Variants in AKR1C3 observed in about 807,000 individuals in gnomAD.
The protein encoded by AKR1C3 is 3-alpha hydroxysteroid dehydrogenase, type II.
In AKR1C3, 48 loss-of-function variants were observed where a neutral mutation model predicts 43.6. That is an observed-to-expected ratio of 1.10 (90% CI 0.87 to 1.40). AKR1C3 has a LOEUF of 1.40. Ranked by LOEUF, AKR1C3 falls within the 40% of genes most tolerant of loss-of-function variation. AKR1C3 has a pLI of 0.00. For synonymous variants in AKR1C3, 162 were observed against 139.6 expected, an observed-to-expected ratio of 1.16 and a Z score of -1.13; for missense variants, 482 against 391.2, an observed-to-expected ratio of 1.23 and a Z score of -1.96.
At position 5,080,646 on chromosome 10, in the gene AKR1C3, CAA is replaced by C. The variant is rs1480920535; in HGVS notation, c.85-15762_85-15761del. The C allele has an allele frequency of 2.0e-5, 3 of 152,546 alleles. No individual in the cohort carries two copies. In the East Asian group the frequency reaches 5.8e-4, roughly 29 times the overall value. The allele number at this position is 152,546 out of a possible 1,614,324, so 9.4% of individuals were successfully genotyped here. ...CGTCTCAAACAAACAAACAAACAAA[CAA>C]ACAAAGATTTCACAGAGCCTGCCAT... On this transcript the variant is annotated intron_variant, in intron 1 of 8. Transcript: ENST00000439082.
intron 1 of AKR1C3, among the ~76,000 whole-genome samples, chr10:5,070,902 G>T (rs1284124623): frequency 2.6e-5 from 4 of 152,190 alleles, no homozygotes; most frequent in African/African-American, 9.7e-5. Flanking sequence ...CAGCTGTCAT[G>T]AACTAAGACA....
chr10:5,103,783 CAAGGGATGGGTAAA>C (rs1839419753), intron 7 of AKR1C3, among the ~76,000 whole-genome samples: 1 of 152,144 alleles, frequency 6.6e-6, no homozygotes, highest in Non-Finnish European at 1.5e-5. Context: ...AGGCCAGACT[CAAGGGATGGGTAAA>C]CAGACACCAC....
At chr10:5,069,889 A>T (rs1554781178) in intron 1 of AKR1C3, among the ~76,000 whole-genome samples, 3 of 152,246 alleles carry the variant, frequency 2.0e-5, no homozygotes, top group East Asian at 3.9e-4. Flanking sequence ...AAAAAAAGGA[A>T]AAGAGCCCTT....
At chr10:5,107,194 T>C (rs1839527246) in intron 8 of AKR1C3, among the ~76,000 whole-genome samples, 2 of 152,234 alleles carry the variant, frequency 1.3e-5, no homozygotes, top group African/African-American at 4.8e-5. Flanking sequence ...GTATCTCTGC[T>C]CTGCTGACAG....
intron 7 of AKR1C3, among the ~76,000 whole-genome samples, chr10:5,104,614 A>C (rs1433196385): frequency 6.6e-6 from 1 of 152,020 alleles, no homozygotes; most frequent in Non-Finnish European, 1.5e-5. Flanking sequence ...TCCATGAAAG[A>C]GTACATATTT....
intron 1 of AKR1C3, among the ~76,000 whole-genome samples, chr10:5,085,813 T>A (rs550312594): frequency 2.6e-5 from 4 of 151,918 alleles, no homozygotes; most frequent in Non-Finnish European, 4.4e-5. Context: ...GGAGGATGTA[T>A]GTGTCAAGGA....
chr10:5,094,547 A>G lies in AKR1C3; in HGVS notation c.84+19A>G, dbSNP rs368022667. 9.5e-5 allele frequency: 153 copies of G among 1,611,384 alleles called. No homozygotes were observed. The highest frequency in any genetic ancestry group is 1.2e-4 in the Non-Finnish European group (146 of 1,178,140). On this transcript the variant is annotated intron_variant, in intron 1 of 8. Coordinates refer to ENST00000380554, the MANE Select transcript of AKR1C3 (RefSeq NM_003739.6). ...TCCAGAGGTAAGAATAATTCCTTTTAGTTTTCGGATTTCAAAAGAATAAAC... is the reference window on the plus strand; with the variant it reads ...TCCAGAGGTAAGAATAATTCCTTTTGGTTTTCGGATTTCAAAAGAATAAAC...
At chr10:5,106,407 G>T (rs1200931777) in intron 8 of AKR1C3, among the ~76,000 whole-genome samples, 1 of 152,120 alleles carries the variant, frequency 6.6e-6, no homozygotes, top group Admixed American at 6.6e-5. Flanking sequence ...TTCCTTCATG[G>T]TCTAAGGTTC....
chr10:5,098,183 A>C, intron 3 of AKR1C3: 1 of 985,564 alleles, frequency 1.0e-6, no homozygotes, highest in Non-Finnish European at 1.2e-6. Flanking sequence ...AGTCAAAGAC[A>C]TGGCTACATT....
At chr10:5,051,724 C>T in intron 1 of AKR1C3, among the ~76,000 whole-genome samples, 1 of 151,698 alleles carries the variant, frequency 6.6e-6, no homozygotes, top group Non-Finnish European at 1.5e-5. Flanking sequence ...TAGATGGTGA[C>T]ACAGAGGACG....
upstream of AKR1C3, among the ~76,000 whole-genome samples, chr10:5,090,266 G>A (rs1588350195): frequency 6.6e-6 from 1 of 152,016 alleles, no homozygotes; most frequent in African/African-American, 2.4e-5. Context: ...ATGAGCACAG[G>A]CACCAGCCCA....
At chr10:5,087,972 T>C (rs1158094066) in intron 1 of AKR1C3, among the ~76,000 whole-genome samples, 1 of 152,142 alleles carries the variant, frequency 6.6e-6, no homozygotes, top group Non-Finnish European at 1.5e-5. Context: ...ACTATAAATT[T>C]ATCTCTTAGC....
At position 5,064,766 on chromosome 10, in the gene AKR1C3, CAT is replaced by C. The variant is rs539086710; in HGVS notation, c.84+15874_84+15875del. On this transcript the variant is annotated intron_variant, in intron 1 of 8. Transcript: ENST00000439082. ...TAAAAGAAGACATACTTGTGGCAAA[CAT>C]ATGAAAAATGCTCAACATCACTGAT... Among the ~76,000 whole-genome samples the C allele has an allele frequency of 2.0e-4, 31 of 151,914 alleles. 1 individual carries two copies. The East Asian group carries it at 5.2e-3, about 26-fold the overall frequency.
At chr10:5,061,054 G>A (rs10795239) in intron 1 of AKR1C3, among the ~76,000 whole-genome samples, 97 of 151,734 alleles carry the variant, frequency 6.4e-4, no homozygotes, top group African/African-American at 1.9e-3. Context: ...CTGAGGGAGC[G>A]AGCTCTGGCC....
At chr10:5,083,126 G>A (rs1554782574) in intron 1 of AKR1C3, among the ~76,000 whole-genome samples, 4 of 151,912 alleles carry the variant, frequency 2.6e-5, no homozygotes, top group Non-Finnish European at 5.9e-5. Flanking sequence ...TGCACAACGT[G>A]CAGGTTTGTT....
intron 1 of AKR1C3, among the ~76,000 whole-genome samples, chr10:5,052,383 G>T (rs1588328120): frequency 6.6e-6 from 1 of 152,214 alleles, no homozygotes; most frequent in South Asian, 2.1e-4. Context: ...ACCTGAGCAG[G>T]TTGCCACTGC....
chr10:5,102,970 T>C (rs1839397543), intron 7 of AKR1C3, among the ~76,000 whole-genome samples: 1 of 151,404 alleles, frequency 6.6e-6, no homozygotes, highest in Non-Finnish European at 1.5e-5. Context: ...AGACAGAGTC[T>C]CATTCTGTCT....
intron 1 of AKR1C3, among the ~76,000 whole-genome samples, chr10:5,080,339 C>T (rs1029238404): frequency 2.0e-5 from 3 of 152,138 alleles, no homozygotes; most frequent in Admixed American, 1.3e-4. Flanking sequence ...TTTCTCAGAG[C>T]CTGGCTGGGT....
rs1181721579 is a variant in AKR1C3 at position 5,104,530 on chromosome 10, CTT to C, written c.847-1063_847-1062del. On this transcript the variant is annotated intron_variant, in intron 7 of 8. Coordinates refer to ENST00000380554, the MANE Select transcript of AKR1C3 (RefSeq NM_003739.6). ...GAATGGTACAACTTTTTTTCTAACT[CTT>C]TATTTTATTTGATAATATCTTGATT... Among the ~76,000 whole-genome samples the C allele has an allele frequency of 5.3e-5, 8 of 150,996 alleles. No homozygotes were observed. The East Asian group carries it at 5.8e-4, about 11-fold the overall frequency.
Sources: gnomAD v4.1 joint callset for allele counts (sites outside exome capture counted in the v4.1 genomes callset) on GRCh38, gnomAD v4.1.1 for gene constraint, MANE v1.5 for transcripts, NCBI Gene and HGNC (gene_info 2026-07-23, HGNC 2026-07-21) for gene names.